SKAP1: variants seen among roughly 807,000 people sequenced by gnomAD.
SKAP1 encodes src kinase associated phosphoprotein 1.
SKAP1 carries 44 observed loss-of-function variants against 58.5 expected under a neutral mutation model. The observed-to-expected ratio is 0.75, with a 90% CI of 0.59 to 0.97. The LOEUF (loss-of-function observed/expected upper bound fraction) is 0.97, where lower values mean the gene tolerates loss of function less well. Among genes scored for constraint, SKAP1 ranks in the 50% least tolerant of loss-of-function variants. The pLI is 0.00. For missense variants in SKAP1, 390 were observed against 435.2 expected, an observed-to-expected ratio of 0.90 and a Z score of 0.92; for synonymous variants, 127 against 149.7, an observed-to-expected ratio of 0.85 and a Z score of 1.11.
At chr17:48,312,073 A>G (rs750264646) in intron 4 of SKAP1, among the ~76,000 whole-genome samples, 3 of 152,230 alleles carry the variant, frequency 2.0e-5, no homozygotes, top group Non-Finnish European at 2.9e-5. Flanking sequence ...GTACTTCTGT[A>G]TTCTGTTACA....
At chr17:48,216,642 C>A (rs1430975655) in intron 4 of SKAP1, among the ~76,000 whole-genome samples, 1 of 152,042 alleles carries the variant, frequency 6.6e-6, no homozygotes, top group Admixed American at 6.6e-5. Context: ...CAGGTGCACA[C>A]CATCATGCCA....
intron 3 of SKAP1, among the ~76,000 whole-genome samples, chr17:48,362,242 T>A (rs1162137023): frequency 6.6e-6 from 1 of 152,236 alleles, no homozygotes; most frequent in African/African-American, 2.4e-5. Context: ...TGCCAGCATT[T>A]CAAGAATCTG....
chr17:48,134,714 T>C (rs559400475), intron 12 of SKAP1, among the ~76,000 whole-genome samples: 16 of 151,854 alleles, frequency 1.1e-4, no homozygotes, highest in Non-Finnish European at 1.9e-4. Flanking sequence ...TTTATTTTTA[T>C]TTATTTTTTT....
At chr17:48,426,851 T>A (rs1464421185) in intron 1 of SKAP1, among the ~76,000 whole-genome samples, 1 of 149,460 alleles carries the variant, frequency 6.7e-6, no homozygotes, top group Admixed American at 6.6e-5. Flanking sequence ...GATAGCGTGT[T>A]TTTTTTTTTT....
chr17:48,284,637 A>C (rs1295499401), intron 4 of SKAP1, among the ~76,000 whole-genome samples: 1 of 152,186 alleles, frequency 6.6e-6, no homozygotes, highest in East Asian at 1.9e-4. Flanking sequence ...CCTTTTTTAT[A>C]AGTAACGCAG....
chr17:48,191,674 G>T (rs540873679), intron 4 of SKAP1, among the ~76,000 whole-genome samples: 5 of 152,272 alleles, frequency 3.3e-5, no homozygotes, highest in Non-Finnish European at 5.9e-5. Context: ...TTATAAAAAG[G>T]TAGATCAGAA....
chr17:48,251,315 A>C (rs1307902996), intron 4 of SKAP1, among the ~76,000 whole-genome samples: 18 of 152,234 alleles, frequency 1.2e-4, no homozygotes, highest in Admixed American at 1.2e-3. Flanking sequence ...GTTAAAACCA[A>C]GTATATAGAA....
At chr17:48,405,324 T>G (rs1350750427) in intron 1 of SKAP1, among the ~76,000 whole-genome samples, 4 of 145,454 alleles carry the variant, frequency 2.8e-5, no homozygotes, top group African/African-American at 1.1e-4. Flanking sequence ...TAAAAATTAT[T>G]CCTGGGCTAT....
At chr17:48,429,711 G>A (rs1266044221) in intron 1 of SKAP1, among the ~76,000 whole-genome samples, 1 of 152,152 alleles carries the variant, frequency 6.6e-6, no homozygotes, top group Non-Finnish European at 1.5e-5. Context: ...CGTGGCTGGG[G>A]AAGGAGGGGG....
At chr17:48,170,704 C>T in intron 9 of SKAP1, 45 bp from the exon 10 acceptor site, 1 of 1,429,222 alleles carries the variant, frequency 7.0e-7, no homozygotes, top group African/African-American at 1.4e-5. Context: ...GGTTCACAGT[C>T]TCATGTTCTT....
intron 2 of SKAP1, among the ~76,000 whole-genome samples, chr17:48,366,047 G>T (rs1159075824): frequency 6.6e-6 from 1 of 151,992 alleles, no homozygotes; most frequent in African/African-American, 2.4e-5. Flanking sequence ...CAGTTTAAAG[G>T]GTCCATAAAC....
At chr17:48,215,680 G>A (rs2064931180) in intron 4 of SKAP1, among the ~76,000 whole-genome samples, 2 of 151,822 alleles carry the variant, frequency 1.3e-5, no homozygotes. Context: ...TCCTGCTGTT[G>A]GATGATACCA....
chr17:48,284,329 G>A (rs1378244779), intron 4 of SKAP1, among the ~76,000 whole-genome samples: 1 of 152,156 alleles, frequency 6.6e-6, no homozygotes, highest in African/African-American at 2.4e-5. Context: ...ACTTTATGGT[G>A]GGTTTGAAAC....
chr17:48,249,541 G>A (rs1408782165), intron 4 of SKAP1, among the ~76,000 whole-genome samples: 3 of 151,904 alleles, frequency 2.0e-5, no homozygotes, highest in Non-Finnish European at 4.4e-5. Context: ...GGGCCTGGTG[G>A]CGTGTGCCTG....
intron 4 of SKAP1, among the ~76,000 whole-genome samples, chr17:48,202,025 T>C (rs1394397066): frequency 6.6e-6 from 1 of 152,188 alleles, no homozygotes; most frequent in Non-Finnish European, 1.5e-5. Flanking sequence ...CTTATGTGTG[T>C]CTGAGCATTT....
intron 3 of SKAP1, among the ~76,000 whole-genome samples, chr17:48,356,564 G>A (rs923930473): frequency 6.6e-6 from 1 of 151,982 alleles, no homozygotes; most frequent in Non-Finnish European, 1.5e-5. Context: ...TATAACAAGG[G>A]TCTCTGTGTG....
chr17:48,344,324 T>C, intron 4 of SKAP1: 1 of 397,338 alleles, frequency 2.5e-6, no homozygotes, highest in Non-Finnish European at 3.4e-6. Flanking sequence ...TACTGTGGGC[T>C]GAGAAACCAA....
chr17:48,146,795 A>AT (rs1311890483), intron 11 of SKAP1, among the ~76,000 whole-genome samples: 6 of 151,882 alleles, frequency 4.0e-5, no homozygotes, highest in African/African-American at 1.2e-4. Context: ...CGCCCAGCTA[A>AT]TTTTTGTATT....
At chr17:48,264,245 T>C (rs919514301) in intron 4 of SKAP1, among the ~76,000 whole-genome samples, 3 of 151,974 alleles carry the variant, frequency 2.0e-5, no homozygotes, top group Non-Finnish European at 4.4e-5. Flanking sequence ...TACATATATA[T>C]GTTTATACAT....
Sources: allele counts gnomAD v4.1 joint callset (sites outside exome capture counted in the v4.1 genomes callset), GRCh38; gene constraint gnomAD v4.1.1; transcripts MANE v1.5; gene names NCBI Gene and HGNC (gene_info 2026-07-23, HGNC 2026-07-21).